AP1B1: variants seen among roughly 807,000 people sequenced by gnomAD.
The protein encoded by AP1B1 is AP-1 complex subunit beta-1.
In AP1B1, 36 loss-of-function variants were observed where a neutral mutation model predicts 104.3. The ratio of observed to expected loss-of-function variants is 0.35; its 90% CI spans 0.26 to 0.46. The LOEUF (loss-of-function observed/expected upper bound fraction) is 0.46, where lower values mean the gene tolerates loss of function less well. AP1B1 is among the 20% of genes least tolerant of loss of function. The pLI is 1.00. For missense variants in AP1B1, 901 were observed against 1,247.9 expected (o/e 0.72, Z 4.19); for synonymous variants, 504 against 517.5 (o/e 0.97, Z 0.35).
chr22:29,358,765 C>T lies in AP1B1; in HGVS notation c.486G>A (p.Leu162=). 6.2e-7 allele frequency: 1 copy of T among 1,614,172 alleles called. No individual in the cohort carries two copies. The highest frequency in any genetic ancestry group is 8.5e-7 in the Non-Finnish European group (1 of 1,180,000). Residue 162 remains leucine, a synonymous_variant, in exon 5 of 23, where the codon CTG becomes CTA. Transcript: ENST00000357586. ...NAQLVEDQGF[L]DTLKDLISDS... is the part of the protein sequence containing the mutation. ...CGGAGATGAGGTCTTTAAGGGTGTC[C>T]AGGAAGCCCTGGTCCTCCACCAGCT...
chr22:29,355,433 C>A (rs932112054), intron 6 of AP1B1, among the ~76,000 whole-genome samples: 3 of 152,046 alleles, frequency 2.0e-5, no homozygotes, highest in African/African-American at 7.3e-5. Context: ...TGCACTCTGG[C>A]CTGGGCAACA....
intron 17 of AP1B1, among the ~76,000 whole-genome samples, chr22:29,334,028 G>A (rs2061600944): frequency 6.6e-6 from 1 of 152,218 alleles, no homozygotes; most frequent in Admixed American, 6.5e-5. Context: ...TGGCGCTGCT[G>A]CACTCCAGCC....
intron 14 of AP1B1, among the ~76,000 whole-genome samples, chr22:29,340,202 T>C (rs1278588633): frequency 6.6e-6 from 1 of 152,074 alleles, no homozygotes; most frequent in Admixed American, 6.6e-5. Flanking sequence ...CTCCCCTCTC[T>C]CCCCGGCCTC....
chr22:29,366,279 T>C (rs1219138482), intron 2 of AP1B1, among the ~76,000 whole-genome samples: 5 of 152,184 alleles, frequency 3.3e-5, no homozygotes, highest in Admixed American at 6.5e-5. Flanking sequence ...TAGTGAGTCA[T>C]TAGAATTGTT....
intron 2 of AP1B1, among the ~76,000 whole-genome samples, chr22:29,363,534 G>A (rs1344685183): frequency 6.6e-6 from 1 of 152,122 alleles, no homozygotes; most frequent in Non-Finnish European, 1.5e-5. Flanking sequence ...TGTAATCCCA[G>A]CTACTCGGGA....
intron 1 of AP1B1, among the ~76,000 whole-genome samples, chr22:29,386,721 G>A (rs1050426176): frequency 1.3e-5 from 2 of 152,148 alleles, no homozygotes; most frequent in Admixed American, 6.5e-5. Context: ...AAGCCCTCAC[G>A]GGTTCATTCA....
intron 1 of AP1B1, among the ~76,000 whole-genome samples, chr22:29,376,565 T>G (rs1406273632): frequency 1.3e-5 from 2 of 152,166 alleles, no homozygotes; most frequent in East Asian, 3.8e-4. Context: ...CTGCCACTGT[T>G]AAACACTTCC....
At chr22:29,350,222 C>T in intron 9 of AP1B1, 72 bp from the exon 10 acceptor site, 1 of 1,216,014 alleles carries the variant, frequency 8.2e-7, no homozygotes, top group Non-Finnish European at 1.2e-6. Flanking sequence ...ATGTCCACGC[C>T]TCGGCCAAGG....
chr22:29,387,670 G>A (rs1357397409), intron 1 of AP1B1, among the ~76,000 whole-genome samples: 2 of 152,258 alleles, frequency 1.3e-5, no homozygotes, highest in Non-Finnish European at 1.5e-5. Context: ...TCTGTACTTT[G>A]CAGGTCTCTG....
At chr22:29,361,724 A>C (rs986381353) in intron 3 of AP1B1, among the ~76,000 whole-genome samples, 3 of 152,158 alleles carry the variant, frequency 2.0e-5, no homozygotes, top group African/African-American at 7.2e-5. Context: ...ATGGGAACAG[A>C]CAGCAAATGC....
At chr22:29,354,186 C>T (rs2147989164) in intron 7 of AP1B1, among the ~76,000 whole-genome samples, 1 of 152,284 alleles carries the variant, frequency 6.6e-6, no homozygotes, top group East Asian at 1.9e-4. Flanking sequence ...ACTCTGTCCC[C>T]CGAAGAAATG....
At chr22:29,363,398 C>T (rs2062081169) in intron 2 of AP1B1, among the ~76,000 whole-genome samples, 1 of 152,152 alleles carries the variant, frequency 6.6e-6, no homozygotes, top group Non-Finnish European at 1.5e-5. Context: ...GCCTGTAATC[C>T]CAGCACTTTG....
chr22:29,332,854 T>A (rs925948496), intron 17 of AP1B1, among the ~76,000 whole-genome samples: 3 of 152,218 alleles, frequency 2.0e-5, no homozygotes, highest in African/African-American at 7.2e-5. Context: ...GGAGCTCCAC[T>A]ACTGCTCGCT....
chr22:29,365,106 A>G (rs979464043), intron 2 of AP1B1, among the ~76,000 whole-genome samples: 2 of 152,136 alleles, frequency 1.3e-5, no homozygotes, highest in African/African-American at 4.8e-5. Flanking sequence ...CGTTTTGCAA[A>G]TGGAGGCTGT....
Position 29,341,662 on chromosome 22 carries a change from C to T in AP1B1, c.1635G>A (p.Lys545=). ...VAAKEVVLAE[K]PLISEETDLI... Reference sequence around the variant, plus strand: ...GGTCCGTCTCTTCAGAGATGAGTGGCTTCTCAGCCAACACCACCTCCTTGG... The same window carrying T: ...GGTCCGTCTCTTCAGAGATGAGTGGTTTCTCAGCCAACACCACCTCCTTGG... The change falls in exon 13 of 23, where the codon AAG becomes AAA. Residue 545 remains lysine (K), a synonymous_variant. Coordinates refer to ENST00000357586, the MANE Select transcript of AP1B1 (RefSeq NM_001127.4). 6.2e-7 allele frequency: 1 copy of T among 1,614,222 alleles called. No individual in the cohort carries two copies. Among genetic ancestry groups the T allele is most frequent in the South Asian group, 1.1e-5 (1 of 91,090 alleles).
At position 29,340,716 on chromosome 22, in the gene AP1B1, CA is replaced by C; in HGVS notation, c.1937del (p.Leu646ArgfsTer21). 6.3e-7 allele frequency: 1 copy of C among 1,590,778 alleles called. No individual in the cohort carries two copies. The highest frequency in any genetic ancestry group is 1.8e-5 in the Admixed American group (1 of 55,970). ...DLGPPVSGPP[L>X]ATSSVQMGAV... ...CTCCCATCTGCACCGAGGAGGTGGCCAGGGGTGGGCCGCTCACTGGGGGGCC... is the reference window on the plus strand; with the variant it reads ...CTCCCATCTGCACCGAGGAGGTGGCCGGGGTGGGCCGCTCACTGGGGGGCC... On this transcript the variant is annotated frameshift_variant, in exon 14 of 23. Transcript: ENST00000357586. LOFTEE classifies it high-confidence loss of function.
intron 16 of AP1B1, among the ~76,000 whole-genome samples, chr22:29,337,991 G>A (rs1235309078): frequency 1.3e-5 from 2 of 152,210 alleles, no homozygotes; most frequent in Admixed American, 1.3e-4. Context: ...GAAACGCTCA[G>A]CCTGGCCCGC....
At chr22:29,372,755 A>C (rs1384852966) in intron 1 of AP1B1, among the ~76,000 whole-genome samples, 1 of 152,214 alleles carries the variant, frequency 6.6e-6, no homozygotes, top group Non-Finnish European at 1.5e-5. Flanking sequence ...TTTTAGGAAC[A>C]AGAAATATAG....
intron 18 of AP1B1, 66 bp from the exon 19 acceptor site, chr22:29,331,599 G>A (rs1004642811): frequency 3.5e-5 from 55 of 1,593,588 alleles, no homozygotes; most frequent in Admixed American, 8.3e-5. Context: ...CCCAGGAAGA[G>A]TGTCACTGAG....
Sources: gnomAD v4.1 joint callset for allele counts (sites outside exome capture counted in the v4.1 genomes callset) on GRCh38, gnomAD v4.1.1 for gene constraint, MANE v1.5 for transcripts, NCBI Gene and HGNC (gene_info 2026-07-23, HGNC 2026-07-21) for gene names.